Variants in C9orf72 observed in about 807,000 individuals in gnomAD.
C9orf72 encodes guanine nucleotide exchange factor C9orf72.
Under a neutral mutation model 51.6 loss-of-function variants are expected in C9orf72, and 44 were observed. The observed-to-expected ratio is 0.85, with a 90% CI of 0.67 to 1.10. The LOEUF (loss-of-function observed/expected upper bound fraction) is 1.10, where lower values mean the gene tolerates loss of function less well. C9orf72 is among the 50% of genes least tolerant of loss of function. C9orf72 has a pLI of 0.00. For missense variants in C9orf72, 607 were observed against 570.6 expected, an observed-to-expected ratio of 1.06 and a Z score of -0.65; for synonymous variants, 213 against 194.2, an observed-to-expected ratio of 1.10 and a Z score of -0.81.
At chr9:27,567,218 A>T in intron 1 of C9orf72, 54 bp from the exon 2 acceptor site, 1 of 1,026,334 alleles carries the variant, frequency 9.7e-7, no homozygotes, top group Non-Finnish European at 1.4e-6. Context: ...AAAGATATCC[A>T]TCAAAACCCC....
chr9:27,564,666 T>C (rs926175670), intron 3 of C9orf72, among the ~76,000 whole-genome samples: 4 of 152,150 alleles, frequency 2.6e-5, no homozygotes, highest in African/African-American at 4.8e-5. Flanking sequence ...ATTATGGCCA[T>C]GTATTTTCAC....
chr9:27,564,339 G>A (rs181934795), intron 3 of C9orf72, among the ~76,000 whole-genome samples: 84 of 152,164 alleles, frequency 5.5e-4, no homozygotes, highest in African/African-American at 2.0e-3. Context: ...GTCAACTTAA[G>A]TAAAGGTTTC....
intron 5 of C9orf72, chr9:27,560,511 A>G: frequency 1.5e-6 from 1 of 682,018 alleles, no homozygotes; most frequent in South Asian, 2.9e-5. Flanking sequence ...GCCTTAAAAC[A>G]GCCCAATTAG....
chr9:27,558,089 T>C (rs1321274241), intron 7 of C9orf72, among the ~76,000 whole-genome samples: 2 of 149,928 alleles, frequency 1.3e-5, no homozygotes, highest in Non-Finnish European at 3.0e-5. Context: ...ATATATATTT[T>C]AGTACACATA....
chr9:27,549,675 T>C (rs1377122839), intron 9 of C9orf72, among the ~76,000 whole-genome samples: 4 of 152,140 alleles, frequency 2.6e-5, no homozygotes, highest in Non-Finnish European at 5.9e-5. Context: ...AAGTAGATAT[T>C]TTTTAAAAGA....
intron 3 of C9orf72, 55 bp downstream of exon 3, chr9:27,565,476 T>G: frequency 8.3e-7 from 1 of 1,198,434 alleles, no homozygotes; most frequent in Non-Finnish European, 1.2e-6. Flanking sequence ...GCCATCAACC[T>G]TATACAGATA....
chr9:27,564,625 T>A (rs1819424269), intron 3 of C9orf72, among the ~76,000 whole-genome samples: 1 of 152,070 alleles, frequency 6.6e-6, no homozygotes, highest in Non-Finnish European at 1.5e-5. Flanking sequence ...CATAACAATT[T>A]GGTAAAGGAG....
intron 1 of C9orf72, among the ~76,000 whole-genome samples, chr9:27,570,533 T>C (rs916383553): frequency 2.6e-5 from 4 of 152,120 alleles, no homozygotes; most frequent in Non-Finnish European, 4.4e-5. Context: ...AATTGAACTA[T>C]TATACTGCTA....
At chr9:27,560,109 C>T in intron 6 of C9orf72, 118 bp downstream of exon 6, 1 of 557,782 alleles carries the variant, frequency 1.8e-6, no homozygotes, top group South Asian at 3.0e-5. Context: ...GATGAGATTA[C>T]ATTGCCTCCT....
At chr9:27,563,483 A>G (rs1819397619) in intron 3 of C9orf72, among the ~76,000 whole-genome samples, 1 of 152,196 alleles carries the variant, frequency 6.6e-6, no homozygotes, top group South Asian at 2.1e-4. Context: ...TTAGCTAAAC[A>G]TATTTTTTAA....
At position 27,556,587 on chromosome 9, in the gene C9orf72, G is replaced by A. The variant is rs1819205516; in HGVS notation, c.1065C>T (p.Tyr355=). ...AATCAGGAGTAAAGCTTTCGTCAGTGTAGATGATCGTATCCTGAGCCATGT... is the reference window on the plus strand; with the variant it reads ...AATCAGGAGTAAAGCTTTCGTCAGTATAGATGATCGTATCCTGAGCCATGT... ...EEDMAQDTII[Y]TDESFTPDLN... is the part of the protein sequence containing the mutation. Residue 355 remains tyrosine (Y), a synonymous_variant, in exon 8 of 11, where the codon TAC becomes TAT. Coordinates refer to ENST00000380003, the MANE Select transcript of C9orf72 (RefSeq NM_018325.5). 3 of 1,613,408 alleles carry A rather than the reference G, an allele frequency of 1.9e-6. No homozygotes were observed. The highest frequency in any genetic ancestry group is 1.1e-5 in the South Asian group (1 of 91,062).
intron 5 of C9orf72, 36 bp downstream of exon 5, chr9:27,561,549 G>A: frequency 1.2e-6 from 2 of 1,607,670 alleles, no homozygotes; most frequent in Non-Finnish European, 1.7e-6. Flanking sequence ...GATGGTATCT[G>A]CTTCATCCAG....
chr9:27,558,127 T>C (rs1819252439), intron 7 of C9orf72, among the ~76,000 whole-genome samples: 1 of 150,474 alleles, frequency 6.6e-6, no homozygotes, highest in Non-Finnish European at 1.5e-5. Flanking sequence ...TCCTATAAGC[T>C]TCTTAAAGAT....
intron 1 of C9orf72, among the ~76,000 whole-genome samples, chr9:27,570,853 A>T (rs1180840952): frequency 6.6e-6 from 1 of 151,974 alleles, no homozygotes. Context: ...TGGGCGACAG[A>T]GAGAGACTCT....
rs776786171 is a variant in C9orf72 at position 27,548,198 on chromosome 9, T to G, written c.*38A>C. On this transcript the variant is annotated 3_prime_UTR_variant, in exon 11 of 11. Coordinates refer to ENST00000380003, the MANE Select transcript of C9orf72 (RefSeq NM_018325.5). Reference sequence around the variant, plus strand: ...CACCACTGAGCTACTTTACCAGCGATCATGATTGTGATGGAATAGGCTTAT... The same window carrying G: ...CACCACTGAGCTACTTTACCAGCGAGCATGATTGTGATGGAATAGGCTTAT... 1 of 1,512,824 alleles carries G rather than the reference T, an allele frequency of 6.6e-7. No homozygotes were observed. The highest frequency in any genetic ancestry group is 2.3e-5 in the East Asian group (1 of 43,382). 93.7% of individuals were successfully genotyped at this position (1,512,824 alleles called of 1,614,324 possible).
chr9:27,554,918 T>C (rs567081195), intron 8 of C9orf72, among the ~76,000 whole-genome samples: 5 of 152,284 alleles, frequency 3.3e-5, no homozygotes, highest in Non-Finnish European at 7.4e-5. Flanking sequence ...TGTCTAACTG[T>C]AGTTTGTCAA....
chr9:27,553,300 A>G (rs1218521303), intron 8 of C9orf72, among the ~76,000 whole-genome samples: 6 of 152,182 alleles, frequency 3.9e-5, no homozygotes, highest in Non-Finnish European at 7.4e-5. Flanking sequence ...GAGGCATCAC[A>G]TTAGCCGATT....
In C9orf72 at chr9:27,547,022, A is replaced by G. The variant is rs191690136; in HGVS notation, c.*1214T>C. On this transcript the variant is annotated 3_prime_UTR_variant, in exon 11 of 11. Coordinates refer to ENST00000380003, the MANE Select transcript of C9orf72 (RefSeq NM_018325.5). ...TATTTATTTGTGTTTGTGTAACTACAATGTCAACATTGTGTTAGAATTATA... is the reference window on the plus strand; with the variant it reads ...TATTTATTTGTGTTTGTGTAACTACGATGTCAACATTGTGTTAGAATTATA... 1.9e-3 allele frequency: 286 copies of G among 152,704 alleles called. 2 individuals are homozygous for G. Among genetic ancestry groups the G allele is most frequent in the African/African-American group, 6.6e-3 (275 of 41,568 alleles). The allele number at this position is 152,704 out of a possible 1,614,324, so 9.5% of individuals were successfully genotyped here. A position where few individuals can be genotyped will look rare whatever the true frequency, so the allele number is the denominator to read the frequency against.
intron 1 of C9orf72, among the ~76,000 whole-genome samples, chr9:27,570,013 A>T (rs1272741721): frequency 6.6e-6 from 1 of 152,256 alleles, no homozygotes; most frequent in African/African-American, 2.4e-5. Context: ...GAGCCTGGCA[A>T]AACAGTTAAC....
Sources: gnomAD v4.1 joint callset for allele counts (sites outside exome capture counted in the v4.1 genomes callset) on GRCh38, gnomAD v4.1.1 for gene constraint, MANE v1.5 for transcripts, NCBI Gene and HGNC (gene_info 2026-07-23, HGNC 2026-07-21) for gene names.